The following PHLPP1 variants were observed in gnomAD, a reference collection of about 807,000 sequenced individuals.
The protein encoded by PHLPP1 is PH domain and leucine rich repeat protein phosphatase 1.
A neutral mutation model predicts 117.2 loss-of-function variants in PHLPP1; 42 were observed. That is an observed-to-expected ratio of 0.36 (90% CI 0.28 to 0.46). The LOEUF is 0.46. PHLPP1 is among the 20% of genes least tolerant of loss of function. The probability of loss-of-function intolerance (pLI) is 1.00; values close to 1 mark genes in which losing one functional copy is unlikely to be tolerated. For missense variants in PHLPP1, 2,084 were observed against 2,241.9 expected, an observed-to-expected ratio of 0.93 and a Z score of 1.42; for synonymous variants, 1,042 against 970.7, an observed-to-expected ratio of 1.07 and a Z score of -1.37.
At chr18:62,888,360 A>T (rs1916336766) in intron 4 of PHLPP1, among the ~76,000 whole-genome samples, 1 of 145,882 alleles carries the variant, frequency 6.9e-6, no homozygotes. Context: ...TTTTAAAACC[A>T]GTCAATTTTA....
chr18:62,915,034 GA>G, intron 9 of PHLPP1, 26 bp downstream of exon 9: 1 of 1,502,658 alleles, frequency 6.7e-7, no homozygotes, highest in Non-Finnish European at 9.2e-7. Flanking sequence ...CAAATGAGAG[GA>G]TCTCACAATA....
chr18:62,921,076 TA>T (rs1039836629), intron 10 of PHLPP1, among the ~76,000 whole-genome samples: 8 of 152,224 alleles, frequency 5.3e-5, no homozygotes, highest in African/African-American at 1.9e-4. Context: ...GAATTTTCTT[TA>T]AAGAAAGCTT....
chr18:62,899,737 G>A (rs1028183916), intron 6 of PHLPP1, among the ~76,000 whole-genome samples: 5 of 152,106 alleles, frequency 3.3e-5, no homozygotes, highest in African/African-American at 1.2e-4. Context: ...CGGTACAAGC[G>A]CAGGTCATTA....
At chr18:62,830,990 T>C (rs561140703) in intron 2 of PHLPP1, among the ~76,000 whole-genome samples, 3 of 152,368 alleles carry the variant, frequency 2.0e-5, no homozygotes, top group Admixed American at 6.5e-5. Flanking sequence ...TTAGCATTTT[T>C]AGTTTATTAA....
intron 10 of PHLPP1, among the ~76,000 whole-genome samples, chr18:62,937,247 G>A (rs1910002200): frequency 6.6e-6 from 1 of 152,228 alleles, no homozygotes; most frequent in Admixed American, 6.5e-5. Flanking sequence ...CAAGAAGCAG[G>A]AAATGGATTT....
chr18:62,786,360 A>T (rs1426698717), intron 1 of PHLPP1, among the ~76,000 whole-genome samples: 4 of 152,156 alleles, frequency 2.6e-5, no homozygotes, highest in South Asian at 4.1e-4. Context: ...ATCTTGTTGT[A>T]GTATCACCAT....
intron 8 of PHLPP1, among the ~76,000 whole-genome samples, chr18:62,905,521 G>A (rs1164159735): frequency 6.6e-6 from 1 of 150,400 alleles, no homozygotes; most frequent in Non-Finnish European, 1.5e-5. Context: ...GACTTGAAAG[G>A]TGAGTAAGTT....
At chr18:62,882,852 C>G (rs1423713434) in intron 4 of PHLPP1, among the ~76,000 whole-genome samples, 2 of 151,306 alleles carry the variant, frequency 1.3e-5, no homozygotes, top group East Asian at 3.9e-4. Flanking sequence ...GTTCTCCCTT[C>G]CCCTAGTATA....
At chr18:62,757,312 A>G (rs2144242946) in intron 1 of PHLPP1, among the ~76,000 whole-genome samples, 1 of 152,374 alleles carries the variant, frequency 6.6e-6, no homozygotes, top group South Asian at 2.1e-4. Flanking sequence ...GATAAAACTC[A>G]AGTGTGAATT....
At chr18:62,763,683 T>C (rs1417679175) in intron 1 of PHLPP1, among the ~76,000 whole-genome samples, 1 of 152,190 alleles carries the variant, frequency 6.6e-6, no homozygotes, top group African/African-American at 2.4e-5. Flanking sequence ...GCTGTGACAC[T>C]ATTGTTTGGT....
intron 1 of PHLPP1, among the ~76,000 whole-genome samples, chr18:62,774,036 C>T (rs532051203): frequency 3.9e-5 from 6 of 152,242 alleles, no homozygotes; most frequent in Non-Finnish European, 8.8e-5. Context: ...CTTCTAACAC[C>T]GTCACATTAG....
chr18:62,765,767 G>A (rs540374287), intron 1 of PHLPP1, among the ~76,000 whole-genome samples: 3 of 152,092 alleles, frequency 2.0e-5, no homozygotes, highest in Admixed American at 6.5e-5. Flanking sequence ...AAGCCAAGGC[G>A]GGTGGATCAC....
intron 1 of PHLPP1, among the ~76,000 whole-genome samples, chr18:62,783,289 G>A (rs184510057): frequency 1.9e-3 from 281 of 145,562 alleles, no homozygotes; most frequent in Middle Eastern, 3.8e-3. Context: ...GCACAGTGGC[G>A]TGATCTTGGC....
Position 62,818,088 on chromosome 18 carries a change from C to A in PHLPP1, c.1577-11947C>A, listed in dbSNP as rs544463982. Among the ~76,000 whole-genome samples the A allele has an allele frequency of 4.3e-4, 65 of 152,110 alleles. No homozygotes were observed. In the Middle Eastern group the frequency reaches 0.01, roughly 24 times the overall value. ...TAGGATGGTCTTGATCTCTTGACCT[C>A]CTGCCTTGGCCTTCCAAAGTGCTGG... On this transcript the variant is annotated intron_variant, in intron 1 of 16. Transcript: ENST00000262719.
At chr18:62,974,602 G>T (rs1296153632) in intron 15 of PHLPP1, among the ~76,000 whole-genome samples, 3 of 152,134 alleles carry the variant, frequency 2.0e-5, no homozygotes, top group Non-Finnish European at 4.4e-5. Context: ...GAGCAATAAT[G>T]GTCTTTTGTC....
chr18:62,886,677 A>G (rs935292733), intron 4 of PHLPP1, among the ~76,000 whole-genome samples: 1 of 152,196 alleles, frequency 6.6e-6, no homozygotes, highest in African/African-American at 2.4e-5. Flanking sequence ...GTAGATTATC[A>G]AGTATATTTA....
rs1302426445 is a variant in PHLPP1, at chr18:62,895,156, A to G, written c.2212A>G (p.Asn738Asp). Residue 738 changes from asparagine to aspartate, a missense_variant and splice_region_variant, in exon 5 of 17, where the codon AAC (asparagine) becomes GAC (aspartate). Coordinates refer to ENST00000262719, the MANE Select transcript of PHLPP1 (RefSeq NM_194449.4). Reference protein sequence around the residue: ...SVPAAVGVMHNLQTFLLDGNF... With the variant: ...SVPAAVGVMHDLQTFLLDGNF... ...CCCGGCAGCCGTTGGAGTGATGCAC[A>G]AGTGTGTACTTCAAACCCCACTGGC... 1.2e-6 allele frequency: 2 copies of G among 1,613,370 alleles called. No individual in the cohort carries two copies. Among genetic ancestry groups the G allele is most frequent in the Admixed American group, 1.7e-5 (1 of 60,010 alleles).
chr18:62,766,655 G>T (rs1008820401), intron 1 of PHLPP1, among the ~76,000 whole-genome samples: 1 of 152,044 alleles, frequency 6.6e-6, no homozygotes, highest in African/African-American at 2.4e-5. Context: ...CGCTTTATTA[G>T]TAATAAAGCT....
Position 62,860,526 on chromosome 18 carries a change from A to T in PHLPP1, c.1991A>T (p.His664Leu). The change falls in exon 4 of 17, where the codon CAT (histidine) becomes CTT (leucine). Residue 664 changes from histidine to leucine, a missense_variant. His to Leu is a moderately conservative substitution (Grantham distance 99, BLOSUM62 -3). Transcript: ENST00000262719. ...ANLFYSQDLT[H>L]LNLKQNFLRQ... is the part of the protein sequence containing the mutation. ...CTCTTCTACAGCCAAGACCTCACTC[A>T]TCTCAATTTAAAACAAAACTTCCTA... 1 of 1,613,870 alleles carries T rather than the reference A, an allele frequency of 6.2e-7. No homozygotes were observed. Among genetic ancestry groups the T allele is most frequent in the Non-Finnish European group, 8.5e-7 (1 of 1,179,820 alleles).
Sources: gnomAD v4.1 joint callset for allele counts (sites outside exome capture counted in the v4.1 genomes callset) on GRCh38, gnomAD v4.1.1 for gene constraint, MANE v1.5 for transcripts, NCBI Gene and HGNC (gene_info 2026-07-23, HGNC 2026-07-21) for gene names.